DLGAP1: variants seen among roughly 807,000 people sequenced by gnomAD.
DLGAP1 encodes disks large-associated protein 1.
In DLGAP1, 11 loss-of-function variants were observed where a neutral mutation model predicts 90.8. The observed-to-expected ratio is 0.12, with a 90% CI of 0.08 to 0.20. The LOEUF is 0.20. Among genes scored for constraint, DLGAP1 ranks in the 10% least tolerant of loss-of-function variants. The pLI, the probability that DLGAP1 is intolerant of heterozygous loss-of-function variation, is 1.00. For synonymous variants in DLGAP1, 558 were observed against 540.7 expected, an observed-to-expected ratio of 1.03 and a Z score of -0.44; for missense variants, 1,050 against 1,333.8, an observed-to-expected ratio of 0.79 and a Z score of 3.31.
chr18:3,651,297 T>C (rs1318341939), intron 7 of DLGAP1, among the ~76,000 whole-genome samples: 2 of 152,058 alleles, frequency 1.3e-5, no homozygotes, highest in East Asian at 3.9e-4. Context: ...AGGTGGAGGT[T>C]GCAGGGAGCC....
chr18:3,988,778 G>A (rs534034967), intron 3 of DLGAP1, among the ~76,000 whole-genome samples: 2 of 152,288 alleles, frequency 1.3e-5, no homozygotes, highest in East Asian at 3.9e-4. Context: ...TGGCCTGGGG[G>A]CTGGGGACCC....
intron 7 of DLGAP1, among the ~76,000 whole-genome samples, chr18:3,674,581 T>C (rs1271462531): frequency 3.3e-5 from 5 of 151,734 alleles, no homozygotes; most frequent in Admixed American, 2.0e-4. Context: ...GATTGTGCCA[T>C]GGCACTTCAG....
At chr18:3,556,103 C>T (rs941017161) in intron 9 of DLGAP1, among the ~76,000 whole-genome samples, 5 of 152,142 alleles carry the variant, frequency 3.3e-5, no homozygotes, top group East Asian at 1.9e-4. Flanking sequence ...TGCTATAGTC[C>T]GCTTTCCTCC....
chr18:3,643,564 G>A (rs1232687531), intron 7 of DLGAP1, among the ~76,000 whole-genome samples: 1 of 151,134 alleles, frequency 6.6e-6, no homozygotes, highest in Non-Finnish European at 1.5e-5. Context: ...TTGGGAGGCT[G>A]AGGCAGGAGA....
At chr18:3,981,952 T>G (rs1170468041) in intron 3 of DLGAP1, among the ~76,000 whole-genome samples, 1 of 152,228 alleles carries the variant, frequency 6.6e-6, no homozygotes, top group East Asian at 1.9e-4. Context: ...TTGACTACTT[T>G]TTATATTATA....
At chr18:4,418,679 T>A (rs1434934689) in intron 1 of DLGAP1, among the ~76,000 whole-genome samples, 1 of 152,002 alleles carries the variant, frequency 6.6e-6, no homozygotes. Context: ...GAGAAAAATG[T>A]TTGGAAAAAA....
At chr18:4,310,458 T>C (rs184456931) in intron 1 of DLGAP1, among the ~76,000 whole-genome samples, 42 of 152,304 alleles carry the variant, frequency 2.8e-4, no homozygotes, top group Middle Eastern at 6.8e-3. Context: ...GTAAGTTCAA[T>C]TTCCACTTCT....
chr18:4,244,541 G>A (rs1379382275), intron 1 of DLGAP1, among the ~76,000 whole-genome samples: 1 of 152,148 alleles, frequency 6.6e-6, no homozygotes, highest in East Asian at 1.9e-4. Context: ...TGAGAACTAT[G>A]AGTTGCCAAA....
At chr18:3,602,501 A>G (rs1314829612) in intron 7 of DLGAP1, among the ~76,000 whole-genome samples, 1 of 147,086 alleles carries the variant, frequency 6.8e-6, no homozygotes, top group African/African-American at 2.5e-5. Context: ...AGGCTGAGGC[A>G]GGAGAATGGC....
At chr18:4,335,004 G>A (rs1226784609) in intron 1 of DLGAP1, among the ~76,000 whole-genome samples, 1 of 151,828 alleles carries the variant, frequency 6.6e-6, no homozygotes, top group Admixed American at 6.6e-5. Flanking sequence ...ATCATTTCAT[G>A]CAATAGCTGT....
intron 4 of DLGAP1, among the ~76,000 whole-genome samples, chr18:3,826,057 T>C (rs2067693521): frequency 6.6e-6 from 1 of 152,094 alleles, no homozygotes; most frequent in Non-Finnish European, 1.5e-5. Flanking sequence ...TTCTCACTTG[T>C]AAGTGGGAGC....
chr18:3,531,773 G>A (rs753066064), intron 10 of DLGAP1, among the ~76,000 whole-genome samples: 2 of 151,760 alleles, frequency 1.3e-5, no homozygotes, highest in African/African-American at 2.4e-5. Context: ...ATGAGCCACC[G>A]CACAAGGCCT....
chr18:4,093,137 A>G (rs957186959), intron 2 of DLGAP1, among the ~76,000 whole-genome samples: 1 of 152,116 alleles, frequency 6.6e-6, no homozygotes, highest in African/African-American at 2.4e-5. Flanking sequence ...AATTATATGT[A>G]TTGTATGTGT....
chr18:4,372,510 C>A (rs752871047), intron 1 of DLGAP1, among the ~76,000 whole-genome samples: 1 of 152,222 alleles, frequency 6.6e-6, no homozygotes, highest in Non-Finnish European at 1.5e-5. Flanking sequence ...GTCACTACTC[C>A]TGACTGGAAG....
intron 3 of DLGAP1, chr18:3,978,613 C>A: frequency 4.8e-6 from 1 of 208,316 alleles, no homozygotes. Context: ...TCACCTTCAC[C>A]ATGGTGTCTC....
chr18:3,775,258 C>T lies in DLGAP1; in HGVS notation c.1173-32746G>A, dbSNP rs1396130450. The stretch of plus-strand genomic sequence containing the variant: ...TCCTTCCATTCCCCTGTGTTATGCA[C>T]ATCGATATGGTTTGGCTTTGTGTCC... On this transcript the variant is annotated intron_variant, in intron 5 of 12. Transcript: ENST00000315677. The surrounding 1 kb of genome is among the most constrained non-coding windows in gnomAD (Gnocchi z 4.9). 6.6e-6 allele frequency among the ~76,000 whole-genome samples: 1 copy of T among 152,190 alleles called. No individual in the cohort carries two copies. The highest frequency in any genetic ancestry group is 6.5e-5 in the Admixed American group (1 of 15,286).
intron 2 of DLGAP1, among the ~76,000 whole-genome samples, chr18:4,061,820 A>T (rs1170669331): frequency 6.6e-6 from 1 of 151,374 alleles, no homozygotes; most frequent in Non-Finnish European, 1.5e-5. Context: ...TGTGTCTTTG[A>T]CTGTGGCTTC....
At chr18:3,825,720 C>T (rs189012117) in intron 4 of DLGAP1, among the ~76,000 whole-genome samples, 18 of 152,212 alleles carry the variant, frequency 1.2e-4, no homozygotes, top group African/African-American at 2.9e-4. Context: ...AAAAAATCTC[C>T]GTTCCTCAAA....
At chr18:4,016,178 A>G (rs865867354) in intron 2 of DLGAP1, among the ~76,000 whole-genome samples, 5 of 152,358 alleles carry the variant, frequency 3.3e-5, no homozygotes, top group Middle Eastern at 3.4e-3. Context: ...TCAATTTTAT[A>G]TAGGAGAAAG....
Sources: gnomAD v4.1 joint callset for allele counts (sites outside exome capture counted in the v4.1 genomes callset) on GRCh38, gnomAD v4.1.1 for gene constraint, Gnocchi (gnomAD v3.1) non-coding constraint, MANE v1.5 for transcripts, NCBI Gene and HGNC (gene_info 2026-07-23, HGNC 2026-07-21) for gene names.